Variants in CD2 observed in about 807,000 individuals in gnomAD.
CD2 encodes T-cell surface antigen CD2.
CD2 carries 18 observed loss-of-function variants against 23.2 expected under a neutral mutation model. That is an observed-to-expected ratio of 0.77 (90% CI 0.54 to 1.15). The LOEUF is 1.15. CD2 is among the 50% of genes most tolerant of loss of function. CD2 has a pLI of 0.00. For synonymous variants in CD2, 162 were observed against 151.9 expected (o/e 1.07, Z -0.49); for missense variants, 424 against 423.1 (o/e 1.00, Z -0.02).
intron 2 of CD2, among the ~76,000 whole-genome samples, chr1:116,757,737 T>TTA (rs1553229492): frequency 6.7e-6 from 1 of 148,696 alleles, no homozygotes; most frequent in Non-Finnish European, 1.5e-5. Flanking sequence ...TTTTAAAATA[T>TTA]TACATATATA....
intron 4 of CD2, among the ~76,000 whole-genome samples, chr1:116,767,932 T>G (rs1037973343): frequency 1.3e-5 from 2 of 152,218 alleles, no homozygotes; most frequent in Non-Finnish European, 2.9e-5. Context: ...CTTGAATTTC[T>G]GAGAAGCGAG....
intron 4 of CD2, among the ~76,000 whole-genome samples, chr1:116,767,767 C>T (rs1652261217): frequency 6.6e-6 from 1 of 152,080 alleles, no homozygotes; most frequent in Admixed American, 6.6e-5. Flanking sequence ...CAGCTGGGCA[C>T]CTTCACAGAT....
intron 2 of CD2, among the ~76,000 whole-genome samples, chr1:116,756,501 G>C (rs1251852317): frequency 6.6e-6 from 1 of 151,998 alleles, no homozygotes; most frequent in Non-Finnish European, 1.5e-5. Context: ...CTTGTCCAAG[G>C]TCTCATTGCT....
chr1:116,768,601 G>A lies in CD2; in HGVS notation c.874G>A (p.Ala292Thr). 1 of 1,613,950 alleles carries A rather than the reference G, an allele frequency of 6.2e-7. No individual in the cohort carries two copies. Among genetic ancestry groups the A allele is most frequent in the Non-Finnish European group, 8.5e-7 (1 of 1,180,014 alleles). The change falls in exon 5 of 5, where the codon GCA becomes ACA. Residue 292 changes from alanine (A) to threonine (T), a missense_variant. Physicochemically the swap from Ala to Thr is moderately conservative, Grantham distance 58. Transcript: ENST00000369478. ...PPPPPGHRSQ[A>T]PSHRPPPPGH... ...TCCACCACCTGGTCATCGTTCCCAG[G>A]CACCTAGTCATCGTCCCCCGCCTCC...
chr1:116,761,042 C>A (rs1652034339), intron 3 of CD2, among the ~76,000 whole-genome samples: 1 of 152,114 alleles, frequency 6.6e-6, no homozygotes, highest in Non-Finnish European at 1.5e-5. Context: ...TCAGCACCTC[C>A]CATCAGGAGT....
At chr1:116,761,396 C>T (rs1286264552) in intron 3 of CD2, among the ~76,000 whole-genome samples, 2 of 152,084 alleles carry the variant, frequency 1.3e-5, no homozygotes, top group East Asian at 3.9e-4. Context: ...CTTCCTGGCC[C>T]ACAAAGAAAA....
At chr1:116,761,764 T>C (rs1652062011) in intron 3 of CD2, among the ~76,000 whole-genome samples, 1 of 152,122 alleles carries the variant, frequency 6.6e-6, no homozygotes, top group African/African-American at 2.4e-5. Flanking sequence ...CACCCCCGGT[T>C]TTCCCACCAG....
At chr1:116,761,527 G>C (rs1048006950) in intron 3 of CD2, among the ~76,000 whole-genome samples, 1 of 152,192 alleles carries the variant, frequency 6.6e-6, no homozygotes, top group Admixed American at 6.5e-5. Flanking sequence ...AGCCCTCTAA[G>C]AAAGAGCAGG....
In CD2 at chr1:116,754,789, G is replaced by A; in HGVS notation, c.220G>A (p.Glu74Lys). Residue 74 changes from glutamate (E) to lysine (K), a missense_variant, in exon 2 of 5, where the codon GAG becomes AAG. Transcript: ENST00000369478. Reference sequence around the variant, plus strand: ...GAAAAAGATTGCACAATTCAGAAAAGAGAAAGAGACTTTCAAGGAAAAAGA... The same window carrying A: ...GAAAAAGATTGCACAATTCAGAAAAAAGAAAGAGACTTTCAAGGAAAAAGA... ...DKKKIAQFRK[E>K]KETFKEKDTY... The A allele has an allele frequency of 6.2e-7, 1 of 1,613,206 alleles. No homozygotes were observed. Among genetic ancestry groups the A allele is most frequent in the Middle Eastern group, 1.7e-4 (1 of 6,060 alleles).
At position 116,754,945 on chromosome 1, in the gene CD2, A is replaced by G. The variant is rs778328805; in HGVS notation, c.376A>G (p.Ile126Val). Reference sequence around the variant, plus strand: ...GTTGGAAAAAATATTTGATTTGAAGATTCAAGGTAAGTGTTCATTCCCTTA... The same window carrying G: ...GTTGGAAAAAATATTTGATTTGAAGGTTCAAGGTAAGTGTTCATTCCCTTA... ...NVLEKIFDLK[I>V]QERVSKPKIS... The change falls in exon 2 of 5, where the codon ATT (isoleucine) becomes GTT (valine). Residue 126 changes from isoleucine (I) to valine (V), a missense_variant. By Grantham distance (29) the Ile-to-Val change is conservative. Transcript: ENST00000369478. 26 of 1,586,080 alleles carry G rather than the reference A, an allele frequency of 1.6e-5. No homozygotes were observed. Among genetic ancestry groups the G allele is most frequent in the Non-Finnish European group, 2.1e-5 (24 of 1,163,888 alleles).
chr1:116,758,596 A>G (rs554770645), intron 2 of CD2, among the ~76,000 whole-genome samples: 1,976 of 152,068 alleles, frequency 0.013, 40 homozygotes, highest in African/African-American at 0.04. Flanking sequence ...CGCTGAAAAG[A>G]GCCTCTGATT....
chr1:116,764,362 T>C lies in CD2; in HGVS notation c.614-122T>C, dbSNP rs113174690. The C allele has an allele frequency of 1.2e-3, 1,707 of 1,436,266 alleles. 24 individuals carry two copies. In the African/African-American group the frequency reaches 0.02, roughly 17 times the overall value. 89.0% of individuals were successfully genotyped at this position (1,436,266 alleles called of 1,614,324 possible). A position where few individuals can be genotyped will look rare whatever the true frequency, so the allele number is the denominator to read the frequency against. ...CCACCCTCTGTGAGCCTGGGAGTTATGGGGTGAAAGGTCCCAACAAGCTCT... is the reference window on the plus strand; with the variant it reads ...CCACCCTCTGTGAGCCTGGGAGTTACGGGGTGAAAGGTCCCAACAAGCTCT... On this transcript the variant is annotated intron_variant, in intron 3 of 4. Coordinates refer to ENST00000369478, the MANE Select transcript of CD2 (RefSeq NM_001767.5).
At chr1:116,759,177 T>A (rs1212003736) in intron 2 of CD2, among the ~76,000 whole-genome samples, 2 of 152,178 alleles carry the variant, frequency 1.3e-5, no homozygotes, top group African/African-American at 4.8e-5. Flanking sequence ...TGTTGATAAT[T>A]TCCATTTTCT....
chr1:116,760,349 T>C (rs1652004176), intron 2 of CD2, 53 bp from the exon 3 acceptor site: 2 of 1,443,934 alleles, frequency 1.4e-6, no homozygotes, highest in South Asian at 1.2e-5. Context: ...TAGATATGTT[T>C]ATTAAAATCA....
At chr1:116,755,708 A>G (rs2101153795) in intron 2 of CD2, among the ~76,000 whole-genome samples, 1 of 152,250 alleles carries the variant, frequency 6.6e-6, no homozygotes, top group Admixed American at 6.5e-5. Context: ...TGAGCTGCCA[A>G]AGTCAATCGC....
At position 116,760,614 on chromosome 1, in the gene CD2, G is replaced by T; in HGVS notation, c.595G>T (p.Glu199Ter). ...CAAAGTCAGCAAGGAATCCAGTGTC[G>T]AGCCTGTCAGCTGTCCAGGTGCGTG... ...GNKVSKESSV[E>*]PVSCPEKGLD... The change falls in exon 3 of 5, where the codon GAG (glutamate) becomes TAG (stop). Residue 199 changes from glutamate (E) to a stop codon, truncating the protein, a stop_gained. Transcript: ENST00000369478. LOFTEE classifies it high-confidence loss of function. 6.2e-7 allele frequency: 1 copy of T among 1,614,134 alleles called. No homozygotes were observed. The highest frequency in any genetic ancestry group is 8.5e-7 in the Non-Finnish European group (1 of 1,180,014).
chr1:116,768,525 C>T lies in CD2; in HGVS notation c.798C>T (p.His266=), dbSNP rs699738. ...VATEERGRKP[H]QIPASTPQNP... ...CTGAAGAAAGGGGCCGGAAGCCCCA[C>T]CAAATTCCAGCTTCAACCCCTCAGA... Residue 266 remains histidine (H), a synonymous_variant, in exon 5 of 5, where the codon CAC becomes CAT. Coordinates refer to ENST00000369478, the MANE Select transcript of CD2 (RefSeq NM_001767.5). The T allele has an allele frequency of 6.2e-7, 1 of 1,613,822 alleles. No individual in the cohort carries two copies. The highest frequency in any genetic ancestry group is 1.1e-5 in the South Asian group (1 of 91,076).
In CD2 at chr1:116,764,613, TCCC is replaced by T; in HGVS notation, c.736+10_736+12del. 6.2e-7 allele frequency: 1 copy of T among 1,611,998 alleles called. No homozygotes were observed. Among genetic ancestry groups the T allele is most frequent in the South Asian group, 1.1e-5 (1 of 90,978 alleles). ...CAGAGGAGTCGGAGAAATGGTAAGC[TCCC>T]CCTCTTTTGTCCCACCGCAGGCCCC... On this transcript the variant is annotated splice_region_variant and intron_variant, in intron 4 of 4. Coordinates refer to ENST00000369478, the MANE Select transcript of CD2 (RefSeq NM_001767.5).
chr1:116,763,715 G>T (rs1652124582), intron 3 of CD2, among the ~76,000 whole-genome samples: 1 of 152,132 alleles, frequency 6.6e-6, no homozygotes, highest in South Asian at 2.1e-4. Context: ...ACTCTCCAAA[G>T]TTCACACAGC....
Sources: gnomAD v4.1 joint callset for allele counts (sites outside exome capture counted in the v4.1 genomes callset) on GRCh38, gnomAD v4.1.1 for gene constraint, MANE v1.5 for transcripts, NCBI Gene and HGNC (gene_info 2026-07-23, HGNC 2026-07-21) for gene names.